COPB1: variants seen among roughly 807,000 people sequenced by gnomAD.
The protein encoded by COPB1 is coatomer subunit beta.
COPB1 carries 21 observed loss-of-function variants against 108.7 expected under a neutral mutation model. That is an observed-to-expected ratio of 0.19 (90% confidence interval 0.14 to 0.28). COPB1 has a LOEUF of 0.28. Among genes scored for constraint, COPB1 ranks in the 10% least tolerant of loss-of-function variants. The probability of loss-of-function intolerance (pLI) is 1.00; values close to 1 mark genes in which losing one functional copy is unlikely to be tolerated. For synonymous variants in COPB1, 378 were observed against 386.8 expected, an observed-to-expected ratio of 0.98 and a Z score of 0.27; for missense variants, 919 against 1,141.3, an observed-to-expected ratio of 0.81 and a Z score of 2.81.
intron 1 of COPB1, 61 bp downstream of exon 1, chr11:14,499,646 G>A (rs1212705086): frequency 1.4e-5 from 2 of 139,114 alleles, no homozygotes; most frequent in African/African-American, 2.7e-5. Flanking sequence ...AAGCGGCCTA[G>A]TCGCTCCCCT....
intron 14 of COPB1, among the ~76,000 whole-genome samples, chr11:14,470,065 T>A (rs1565014596): frequency 6.6e-6 from 1 of 152,228 alleles, no homozygotes; most frequent in Non-Finnish European, 1.5e-5. Context: ...TCTGAAAAAT[T>A]CAACAATTCC....
At chr11:14,477,189 C>G (rs1261591832) in intron 11 of COPB1, among the ~76,000 whole-genome samples, 174 bp from the exon 12 acceptor site, 3 of 150,340 alleles carry the variant, frequency 2.0e-5, no homozygotes, top group African/African-American at 7.4e-5. Context: ...CGAGACCATC[C>G]TGGCTAACAT....
rs777000226 is a variant in COPB1, at chr11:14,493,636, A to G, written c.491+6T>C. 6.3e-7 allele frequency: 1 copy of G among 1,591,144 alleles called. No individual in the cohort carries two copies. Among genetic ancestry groups the G allele is most frequent in the African/African-American group, 1.4e-5 (1 of 74,008 alleles). On this transcript the variant is annotated splice_donor_region_variant and intron_variant, in intron 4 of 21. Coordinates refer to ENST00000439561, the MANE Select transcript of COPB1 (RefSeq NM_001144061.2). ...AGAATGAAGCCAAAGCAGTATCTTT[A>G]TTTACCTATAGATGGTATAGATGGC...
At chr11:14,492,567 T>C (rs1456528254) in intron 4 of COPB1, among the ~76,000 whole-genome samples, 2 of 151,984 alleles carry the variant, frequency 1.3e-5, no homozygotes, top group African/African-American at 4.8e-5. Flanking sequence ...GGTCTCGAAC[T>C]CCCGACCTCA....
intron 5 of COPB1, among the ~76,000 whole-genome samples, chr11:14,490,134 G>C (rs780738541): frequency 2.0e-5 from 3 of 152,152 alleles, no homozygotes; most frequent in Non-Finnish European, 4.4e-5. Context: ...GCAGGATGTG[G>C]AGTTGGCACC....
At chr11:14,470,944 A>ACACACACACACACACTCTCT (rs1285522756) in intron 14 of COPB1, among the ~76,000 whole-genome samples, 14 of 90,208 alleles carry the variant, frequency 1.6e-4, no homozygotes, top group African/African-American at 6.8e-4. Flanking sequence ...ACACACACAC[A>ACACACACACACACACTCTCT]CTCTCTCTCT....
At chr11:14,470,183 C>T (rs1850368866) in intron 14 of COPB1, among the ~76,000 whole-genome samples, 1 of 152,218 alleles carries the variant, frequency 6.6e-6, no homozygotes, top group Non-Finnish European at 1.5e-5. Context: ...TTTTATCCCT[C>T]TTAATCTAGA....
chr11:14,480,629 T>C (rs1850640247), intron 10 of COPB1, 130 bp downstream of exon 10: 5 of 817,894 alleles, frequency 6.1e-6, no homozygotes, highest in Non-Finnish European at 9.2e-6. Context: ...GAGGTAGATA[T>C]AAAGATCACT....
chr11:14,478,148 C>A (rs2134111157), intron 11 of COPB1, among the ~76,000 whole-genome samples: 1 of 152,164 alleles, frequency 6.6e-6, no homozygotes, highest in East Asian at 1.9e-4. Context: ...AATAACTGTT[C>A]TTATTATTAG....
intron 2 of COPB1, among the ~76,000 whole-genome samples, chr11:14,496,470 T>C (rs1479565817): frequency 5.9e-5 from 9 of 152,078 alleles, no homozygotes; most frequent in Non-Finnish European, 8.8e-5. Context: ...CAGATAAAAT[T>C]AGATACCTAG....
At position 14,460,959 on chromosome 11, in the gene COPB1, T is replaced by C. The variant is rs181499044; in HGVS notation, c.2556+227A>G. ...GAATATTACCTATAATGTCTAAACC[T>C]ATCAGATTGGCTATAGAACTGCTAC... is the stretch of plus-strand genomic sequence containing the variant. On this transcript the variant is annotated intron_variant, in intron 19 of 21. Coordinates refer to ENST00000439561, the MANE Select transcript of COPB1 (RefSeq NM_001144061.2). Among the ~76,000 whole-genome samples, 540 of 152,270 alleles carry C rather than the reference T, an allele frequency of 3.5e-3. 6 individuals carry two copies. The highest frequency in any genetic ancestry group is 4.8e-3 in the Non-Finnish European group (328 of 68,016).
intron 10 of COPB1, among the ~76,000 whole-genome samples, chr11:14,480,250 C>T (rs1850632639): frequency 6.6e-6 from 1 of 152,072 alleles, no homozygotes; most frequent in Non-Finnish European, 1.5e-5. Flanking sequence ...AGCTAGAGAT[C>T]CAAAACTCCA....
At chr11:14,470,491 AT>A (rs1195858012) in intron 14 of COPB1, among the ~76,000 whole-genome samples, 1 of 152,226 alleles carries the variant, frequency 6.6e-6, no homozygotes, top group Non-Finnish European at 1.5e-5. Context: ...TTAGCTCGCT[AT>A]TCAAAGTCTT....
chr11:14,460,956 AC>A (rs148168057), intron 19 of COPB1, among the ~76,000 whole-genome samples: 5,095 of 152,262 alleles, frequency 0.033, 109 homozygotes, highest in Non-Finnish European at 0.049. Context: ...TAATGTCTAA[AC>A]CTATCAGATT....
chr11:14,493,470 C>T (rs556179463), intron 4 of COPB1, among the ~76,000 whole-genome samples, 172 bp downstream of exon 4: 93 of 152,294 alleles, frequency 6.1e-4, no homozygotes, highest in African/African-American at 2.2e-3. Context: ...AAGCTAGGAA[C>T]AGCGCTGCCA....
At chr11:14,499,036 AC>A in intron 1 of COPB1, 51 bp from the exon 2 acceptor site, 6 of 843,058 alleles carry the variant, frequency 7.1e-6, no homozygotes, top group Middle Eastern at 3.5e-4. Flanking sequence ...AAAAAAACCC[AC>A]AAACAAGTAC....
chr11:14,472,300 A>G (rs1177285115), intron 14 of COPB1, among the ~76,000 whole-genome samples: 1 of 152,220 alleles, frequency 6.6e-6, no homozygotes, highest in Admixed American at 6.5e-5. Context: ...ATGAACAGTA[A>G]TATTTTAAAA....
Position 14,486,513 on chromosome 11 carries a change from GA to G in COPB1, c.700-10del. 3 of 1,611,588 alleles carry G rather than the reference GA, an allele frequency of 1.9e-6. No homozygotes were observed. Among genetic ancestry groups the G allele is most frequent in the South Asian group, 2.2e-5 (2 of 90,858 alleles). The stretch of plus-strand genomic sequence containing the variant: ...GGATTAGCATGACAGACCTGGAGAA[GA>G]AAACATTAACATTTCAACCGATTTC... On this transcript the variant is annotated splice_polypyrimidine_tract_variant and intron_variant, in intron 6 of 21. Transcript: ENST00000439561.
At chr11:14,482,654 C>A (rs1850685589) in intron 8 of COPB1, among the ~76,000 whole-genome samples, 1 of 152,112 alleles carries the variant, frequency 6.6e-6, no homozygotes, top group African/African-American at 2.4e-5. Flanking sequence ...CCTGCCTCAG[C>A]CTCCCAAGTA....
Sources: allele counts gnomAD v4.1 joint callset (sites outside exome capture counted in the v4.1 genomes callset), GRCh38; gene constraint gnomAD v4.1.1; transcripts MANE v1.5; gene names NCBI Gene and HGNC (gene_info 2026-07-23, HGNC 2026-07-21).